The following CEP128 variants were observed in gnomAD, a reference collection of about 807,000 sequenced individuals.
CEP128 encodes centrosomal protein 128.
Under a neutral mutation model 156.7 loss-of-function variants are expected in CEP128, and 132 were observed. The ratio of observed to expected loss-of-function variants is 0.84; its 90% CI spans 0.73 to 0.97. CEP128 has a LOEUF of 0.97. Among genes scored for constraint, CEP128 ranks in the 50% least tolerant of loss-of-function variants. The pLI is 0.00. For missense variants in CEP128, 1,252 were observed against 1,281.9 expected (o/e 0.98, Z 0.36); for synonymous variants, 469 against 448.9 (o/e 1.04, Z -0.57).
At chr14:80,711,295 TTG>T (rs138953286) in intron 19 of CEP128, among the ~76,000 whole-genome samples, 7,354 of 145,724 alleles carry the variant, frequency 0.05, 335 homozygotes, top group East Asian at 0.24. Flanking sequence ...TAAGACTATG[TTG>T]TGTGTGTGTG....
At chr14:80,634,912 A>G (rs2140750575) in intron 19 of CEP128, among the ~76,000 whole-genome samples, 1 of 152,334 alleles carries the variant, frequency 6.6e-6, no homozygotes, top group African/African-American at 2.4e-5. Flanking sequence ...CTTTCAGATA[A>G]GAACCACCAG....
intron 19 of CEP128, among the ~76,000 whole-genome samples, chr14:80,672,784 A>C (rs1016488195): frequency 2.6e-5 from 4 of 152,204 alleles, no homozygotes; most frequent in Non-Finnish European, 5.9e-5. Flanking sequence ...TTTCTAATTT[A>C]AAACTACTAT....
rs146130838 is a variant in CEP128, at chr14:80,874,649, G to A, written c.646-11776C>T. Among the ~76,000 whole-genome samples the A allele has an allele frequency of 5.9e-3, 903 of 152,210 alleles. 10 individuals are homozygous for A. The highest frequency in any genetic ancestry group is 0.021 in the African/African-American group (856 of 41,530). The stretch of plus-strand genomic sequence containing the variant: ...TTGTTTGTTTCTGAGACGGAGTCTC[G>A]CTCTGTCGCCCAGGCTGGAGTGCAG... On this transcript the variant is annotated intron_variant, in intron 8 of 24. Transcript: ENST00000555265.
At chr14:80,545,315 A>G (rs1429357511) in intron 21 of CEP128, among the ~76,000 whole-genome samples, 1 of 152,242 alleles carries the variant, frequency 6.6e-6, no homozygotes, top group African/African-American at 2.4e-5. Context: ...CAAAGGATTA[A>G]CACAAGAGTA....
chr14:80,845,864 A>G (rs973540327), intron 9 of CEP128, among the ~76,000 whole-genome samples: 2 of 152,210 alleles, frequency 1.3e-5, no homozygotes, highest in Non-Finnish European at 2.9e-5. Flanking sequence ...CTTTATAAAC[A>G]GATGGCCTAG....
chr14:80,690,051 C>A (rs75753245), intron 19 of CEP128, among the ~76,000 whole-genome samples: 3,257 of 151,992 alleles, frequency 0.021, 60 homozygotes, highest in Middle Eastern at 0.082. Context: ...TAACCCCTTC[C>A]ACTTGCTATT....
Position 80,523,271 on chromosome 14 carries a change from C to G in CEP128, c.3072+3598G>C, listed in dbSNP as rs561490093. On this transcript the variant is annotated intron_variant, in intron 23 of 24. Coordinates refer to ENST00000555265, the MANE Select transcript of CEP128 (RefSeq NM_152446.5). ...TACAACTGAAATTCTAATAGTGATC[C>G]TCTCCCAAACTGAGATGTGGATAAA... Among the ~76,000 whole-genome samples, 261 of 152,304 alleles carry G rather than the reference C, an allele frequency of 1.7e-3. 1 individual carries two copies. The highest frequency in any genetic ancestry group is 2.9e-3 in the Non-Finnish European group (199 of 68,018).
At chr14:80,927,315 A>G (rs1305573950) in intron 2 of CEP128, among the ~76,000 whole-genome samples, 3 of 152,154 alleles carry the variant, frequency 2.0e-5, no homozygotes, top group Admixed American at 1.3e-4. Flanking sequence ...CTCTACCCCA[A>G]TTGTCAGGCA....
chr14:80,486,884 A>G (rs902026875), downstream of CEP128, among the ~76,000 whole-genome samples: 16 of 152,150 alleles, frequency 1.1e-4, no homozygotes, highest in African/African-American at 3.9e-4. Context: ...AGCACTAAAC[A>G]TGGAAAGGAA....
intron 14 of CEP128, among the ~76,000 whole-genome samples, chr14:80,787,601 C>A (rs181196816): frequency 3.3e-5 from 5 of 152,132 alleles, no homozygotes; most frequent in African/African-American, 9.6e-5. Context: ...ATTCTACTTA[C>A]CAAACTGGAG....
At chr14:80,896,950 A>G (rs1476962214) in intron 7 of CEP128, among the ~76,000 whole-genome samples, 1 of 152,156 alleles carries the variant, frequency 6.6e-6, no homozygotes, top group Non-Finnish European at 1.5e-5. Flanking sequence ...GTTTCTTAAT[A>G]TCTTTATCTT....
At chr14:80,608,038 T>G (rs1025335048) in intron 19 of CEP128, among the ~76,000 whole-genome samples, 1 of 152,314 alleles carries the variant, frequency 6.6e-6, no homozygotes, top group Non-Finnish European at 1.5e-5. Flanking sequence ...CGAGTTCTTC[T>G]GCCTAGAACA....
At chr14:80,725,322 A>C (rs776693976) in intron 19 of CEP128, among the ~76,000 whole-genome samples, 5 of 151,658 alleles carry the variant, frequency 3.3e-5, no homozygotes, top group Non-Finnish European at 5.9e-5. Context: ...AGCTGGGATT[A>C]CAAGTGCCCA....
chr14:80,702,515 CATAA>C (rs928382574), intron 19 of CEP128, among the ~76,000 whole-genome samples: 11 of 152,192 alleles, frequency 7.2e-5, no homozygotes, highest in African/African-American at 2.6e-4. Flanking sequence ...AAGACATTTG[CATAA>C]AAATAGCAAT....
At chr14:80,946,154 C>T (rs1726448709), upstream of CEP128, among the ~76,000 whole-genome samples, 1 of 152,078 alleles carries the variant, frequency 6.6e-6, no homozygotes, top group South Asian at 2.1e-4. Flanking sequence ...AAGCACTAAG[C>T]CTAGTGTCTA....
intron 19 of CEP128, among the ~76,000 whole-genome samples, chr14:80,721,837 ATTGT>A (rs142326922): frequency 0.052 from 7,894 of 152,246 alleles, 348 homozygotes; most frequent in South Asian, 0.23. Context: ...TTGCTTAATA[ATTGT>A]TTGAGCAAAG....
At chr14:80,760,386 G>GAATTAGTTA (rs1424913561) in intron 17 of CEP128, among the ~76,000 whole-genome samples, 1 of 151,850 alleles carries the variant, frequency 6.6e-6, no homozygotes, top group East Asian at 1.9e-4. Context: ...GACTGCAAGA[G>GAATTAGTTA]AATTAGTTAT....
upstream of CEP128, among the ~76,000 whole-genome samples, chr14:80,945,352 G>A (rs1886316094): frequency 6.6e-6 from 1 of 152,094 alleles, no homozygotes; most frequent in Admixed American, 6.5e-5. Context: ...CAGTAACATG[G>A]GGGGTTAAGA....
intron 19 of CEP128, among the ~76,000 whole-genome samples, chr14:80,616,766 A>G (rs1051513351): frequency 1.3e-5 from 2 of 152,210 alleles, no homozygotes; most frequent in Non-Finnish European, 2.9e-5. Flanking sequence ...TCAAGGTGTA[A>G]CTGTAGTTTT....
Sources: allele counts gnomAD v4.1 joint callset (sites outside exome capture counted in the v4.1 genomes callset), GRCh38; gene constraint gnomAD v4.1.1; transcripts MANE v1.5; gene names NCBI Gene and HGNC (gene_info 2026-07-23, HGNC 2026-07-21).